MRE11: variants seen among roughly 807,000 people sequenced by gnomAD.
The protein encoded by MRE11 is MRE11 double strand break repair nuclease.
Under a neutral mutation model 91.7 loss-of-function variants are expected in MRE11, and 62 were observed. The ratio of observed to expected loss-of-function variants is 0.68; its 90% CI spans 0.55 to 0.84. MRE11 has a LOEUF of 0.84. Ranked by LOEUF, MRE11 falls within the 40% of genes least tolerant of loss-of-function variation. The pLI is 0.00. For missense variants in MRE11, 796 were observed against 852.9 expected (o/e 0.93, Z 0.83); for synonymous variants, 273 against 271.4 (o/e 1.01, Z -0.06).
At chr11:94,489,012 ATTCT>A (rs746770941) in intron 3 of MRE11, among the ~76,000 whole-genome samples, 16 of 152,268 alleles carry the variant, frequency 1.1e-4, no homozygotes, top group Admixed American at 6.5e-4. Flanking sequence ...CTGCTTTCTG[ATTCT>A]TTCTAAGCAC....
chr11:94,477,012 G>T (rs892077905), intron 6 of MRE11, among the ~76,000 whole-genome samples: 2 of 152,188 alleles, frequency 1.3e-5, no homozygotes, highest in Admixed American at 1.3e-4. Context: ...GTGCCAGCAC[G>T]CCTGGCCTGT....
At chr11:94,487,300 A>G (rs1316911615) in intron 3 of MRE11, among the ~76,000 whole-genome samples, 1 of 152,242 alleles carries the variant, frequency 6.6e-6, no homozygotes, top group African/African-American at 2.4e-5. Context: ...ATTTAAAAAA[A>G]TTTTTTAAAC....
intron 4 of MRE11, among the ~76,000 whole-genome samples, chr11:94,485,293 T>C (rs13447602): frequency 2.6e-4 from 40 of 151,262 alleles, no homozygotes; most frequent in African/African-American, 8.5e-4. Flanking sequence ...TTTTATAATA[T>C]AGGGATTGAC....
chr11:94,492,245 C>T (rs751356259), intron 2 of MRE11, among the ~76,000 whole-genome samples: 9 of 152,208 alleles, frequency 5.9e-5, no homozygotes, highest in South Asian at 2.1e-4. Context: ...TGCGCCACCA[C>T]GCCTGGCTAA....
chr11:94,476,498 T>C, intron 6 of MRE11, 95 bp from the exon 7 acceptor site: 1 of 804,810 alleles, frequency 1.2e-6, no homozygotes, highest in Non-Finnish European at 2.1e-6. Flanking sequence ...TCTCAAAGTA[T>C]TTCACTTTAC....
intron 16 of MRE11, among the ~76,000 whole-genome samples, chr11:94,437,655 C>T (rs73515391): frequency 0.019 from 2,862 of 152,240 alleles, 99 homozygotes; most frequent in African/African-American, 0.065. Flanking sequence ...TCTCATTTTC[C>T]TCTACCTTAG....
intron 4 of MRE11, chr11:94,483,949 C>A (rs1252049064): frequency 1.3e-5 from 2 of 152,100 alleles, no homozygotes; most frequent in African/African-American, 4.8e-5. Flanking sequence ...CCAGTGAGAG[C>A]CTAGAAGCAA....
chr11:94,487,513 T>A (rs1947171327), intron 3 of MRE11, among the ~76,000 whole-genome samples: 1 of 152,044 alleles, frequency 6.6e-6, no homozygotes, highest in African/African-American at 2.4e-5. Flanking sequence ...TGCAGGAAAA[T>A]GTACCAGATT....
intron 4 of MRE11, among the ~76,000 whole-genome samples, chr11:94,484,797 A>G (rs1947096187): frequency 6.6e-6 from 1 of 152,224 alleles, no homozygotes; most frequent in African/African-American, 2.4e-5. Context: ...TCTACAAAAT[A>G]CCTGACCTCT....
chr11:94,444,489 G>C lies in MRE11; in HGVS notation c.1867+1321C>G, dbSNP rs1385812145. 2.6e-5 allele frequency among the ~76,000 whole-genome samples: 4 copies of C among 152,178 alleles called. No homozygotes were observed. In the East Asian group the frequency reaches 7.7e-4, roughly 29 times the overall value. Reference sequence around the variant, plus strand: ...AGTGATATGAGGAAAAGAAGGATGAGAAAAGGGCTTTACTGGCCCAACCAG... The same window carrying C: ...AGTGATATGAGGAAAAGAAGGATGACAAAAGGGCTTTACTGGCCCAACCAG... On this transcript the variant is annotated intron_variant, in intron 16 of 19. Transcript: ENST00000323929.
At chr11:94,469,496 C>T (rs917457019) in intron 9 of MRE11, among the ~76,000 whole-genome samples, 2 of 152,148 alleles carry the variant, frequency 1.3e-5, no homozygotes, top group South Asian at 4.1e-4. Context: ...GCAATTAATG[C>T]ATTTTCTATC....
chr11:94,420,065 T>G lies in MRE11; in HGVS notation c.*60A>C. The G allele has an allele frequency of 7.4e-7, 1 of 1,358,186 alleles. No individual in the cohort carries two copies. The highest frequency in any genetic ancestry group is 1.0e-6 in the Non-Finnish European group (1 of 958,156). 84.1% of individuals were successfully genotyped at this position (1,358,186 alleles called of 1,614,324 possible). A position where few individuals can be genotyped will look rare whatever the true frequency, so the allele number is the denominator to read the frequency against. Reference sequence around the variant, plus strand: ...CTTAAAATCTTAAACTGTAAACTCTTAGCTTGTAACATTTTCATTTTTCCT... The same window carrying G: ...CTTAAAATCTTAAACTGTAAACTCTGAGCTTGTAACATTTTCATTTTTCCT... On this transcript the variant is annotated 3_prime_UTR_variant, in exon 20 of 20. Coordinates refer to ENST00000323929, the MANE Select transcript of MRE11 (RefSeq NM_005591.4).
intron 10 of MRE11, among the ~76,000 whole-genome samples, chr11:94,464,949 C>T (rs973125079): frequency 6.6e-6 from 1 of 151,958 alleles, no homozygotes; most frequent in African/African-American, 2.4e-5. Context: ...AACTAAAGTG[C>T]TCCCACTTTC....
chr11:94,491,873 G>A (rs1947292126), intron 2 of MRE11, among the ~76,000 whole-genome samples: 1 of 143,184 alleles, frequency 7.0e-6, no homozygotes, highest in African/African-American at 2.7e-5. Context: ...AGTTCTCACT[G>A]ATATATCCAA....
intron 18 of MRE11, among the ~76,000 whole-genome samples, chr11:94,434,331 A>C (rs1265063600): frequency 6.6e-6 from 1 of 152,156 alleles, no homozygotes; most frequent in African/African-American, 2.4e-5. Flanking sequence ...ATAAAGAACA[A>C]AAATTGGCTC....
chr11:94,498,141 C>G, upstream of MRE11: 1 of 1,614,100 alleles, frequency 6.2e-7, no homozygotes. Flanking sequence ...GATGAGTATA[C>G]CCCTCTTCAT....
At chr11:94,478,171 G>C (rs550466808) in intron 6 of MRE11, among the ~76,000 whole-genome samples, 2 of 152,258 alleles carry the variant, frequency 1.3e-5, no homozygotes, top group South Asian at 4.1e-4. Context: ...AGGCATAATG[G>C]AATCTGTCCT....
intron 16 of MRE11, among the ~76,000 whole-genome samples, chr11:94,438,812 G>A (rs909212907): frequency 6.6e-6 from 1 of 152,198 alleles, no homozygotes; most frequent in Non-Finnish European, 1.5e-5. Context: ...TTCCTCGCCT[G>A]TAAAACAGTG....
intron 18 of MRE11, 29 bp downstream of exon 18, chr11:94,435,803 T>C (rs762411007): frequency 2.5e-6 from 4 of 1,591,464 alleles, no homozygotes; most frequent in Non-Finnish European, 3.4e-6. Context: ...TTTTCAGATG[T>C]TTCTTTTGCA....
Sources: gnomAD v4.1 joint callset for allele counts (sites outside exome capture counted in the v4.1 genomes callset) on GRCh38, gnomAD v4.1.1 for gene constraint, MANE v1.5 for transcripts, NCBI Gene and HGNC (gene_info 2026-07-23, HGNC 2026-07-21) for gene names.